The following ARID1B variants were observed in gnomAD, a reference collection of about 807,000 sequenced individuals.
The protein encoded by ARID1B is AT-rich interaction domain 1B.
Under a neutral mutation model 212.3 loss-of-function variants are expected in ARID1B, and 30 were observed. The observed-to-expected ratio is 0.14, with a 90% confidence interval of 0.11 to 0.19. The LOEUF is 0.19. ARID1B is among the 10% of genes least tolerant of loss of function. The probability of loss-of-function intolerance (pLI) is 1.00; values close to 1 mark genes in which losing one functional copy is unlikely to be tolerated. For missense variants in ARID1B, 2,891 were observed against 3,204.0 expected (o/e 0.90, Z 2.36); for synonymous variants, 1,402 against 1,301.7 (o/e 1.08, Z -1.66).
chr6:156,863,558 TATTTCTTTTTTCCTTTAAGA>T (rs1482935272), intron 2 of ARID1B, among the ~76,000 whole-genome samples: 5 of 152,218 alleles, frequency 3.3e-5, no homozygotes, highest in African/African-American at 1.2e-4. Context: ...GAGTAGTTTG[TATTTCTTTTTTCCTTTAAGA>T]ATCTTAAAAC....
intron 11 of ARID1B, among the ~76,000 whole-genome samples, chr6:157,178,892 A>T (rs1792305518): frequency 6.6e-6 from 1 of 152,172 alleles, no homozygotes; most frequent in Admixed American, 6.5e-5. Flanking sequence ...ACCACTCCCC[A>T]GTTTCAGTTT....
At chr6:156,883,467 A>G (rs1329695406) in intron 2 of ARID1B, among the ~76,000 whole-genome samples, 1 of 152,140 alleles carries the variant, frequency 6.6e-6, no homozygotes, top group Non-Finnish European at 1.5e-5. Flanking sequence ...AAGTTAAAAT[A>G]AGTCATAGCC....
chr6:156,883,880 C>T (rs1337122135), intron 2 of ARID1B, among the ~76,000 whole-genome samples: 1 of 152,180 alleles, frequency 6.6e-6, no homozygotes, highest in Non-Finnish European at 1.5e-5. Flanking sequence ...TTCTCTTTCT[C>T]TGGCAATGGC....
At chr6:156,779,587 G>GCCCC in intron 1 of ARID1B, 116 bp downstream of exon 1, 1 of 1,084,264 alleles carries the variant, frequency 9.2e-7, no homozygotes, top group Non-Finnish European at 1.1e-6. Flanking sequence ...CGGCGGGGGC[G>GCCCC]CGGCGCCCAA....
At chr6:157,010,868 A>G (rs1562547310) in intron 4 of ARID1B, among the ~76,000 whole-genome samples, 2 of 152,150 alleles carry the variant, frequency 1.3e-5, no homozygotes, top group African/African-American at 2.4e-5. Context: ...TCTGTAGGAA[A>G]TCTATAGATT....
intron 4 of ARID1B, among the ~76,000 whole-genome samples, chr6:157,050,927 G>A (rs1386226116): frequency 6.6e-6 from 1 of 152,200 alleles, no homozygotes; most frequent in African/African-American, 2.4e-5. Flanking sequence ...GCCTAGAGAA[G>A]TTGACCTCCC....
intron 6 of ARID1B, among the ~76,000 whole-genome samples, chr6:157,118,015 GGGCATTTAGATAGAAATA>G (rs1311714844): frequency 5.9e-5 from 9 of 152,092 alleles, no homozygotes. Flanking sequence ...TATGACCCAG[GGGCATTTAGATAGAAATA>G]TGTAAAATTT....
At position 157,174,059 on chromosome 6, in the gene ARID1B, T is replaced by C. The variant is rs1583451135; in HGVS notation, c.3287T>C (p.Leu1096Pro). 6.2e-7 allele frequency: 1 copy of C among 1,614,014 alleles called. No homozygotes were observed. The highest frequency in any genetic ancestry group is 1.7e-5 in the Admixed American group (1 of 59,996). ...MMSPGESKLP[L>P]PLKADGKEEG... The stretch of plus-strand genomic sequence containing the variant: ...TCTCCTGGTGAATCCAAACTGCCCC[T>C]GCCTCTCAAAGCAGACGGCAAAGAA... Residue 1096 changes from leucine (L) to proline (P), a missense_variant, in exon 10 of 20, where the codon CTG becomes CCG. By Grantham distance (98) the Leu-to-Pro change is moderately conservative. Transcript: ENST00000636930.
intron 4 of ARID1B, among the ~76,000 whole-genome samples, chr6:156,950,176 G>C (rs904420483): frequency 6.6e-6 from 1 of 152,198 alleles, no homozygotes; most frequent in African/African-American, 2.4e-5. Context: ...TATTACTAGT[G>C]AGTAGCAAGA....
intron 4 of ARID1B, among the ~76,000 whole-genome samples, chr6:156,996,879 G>A (rs1778621615): frequency 6.6e-6 from 1 of 152,096 alleles, no homozygotes; most frequent in South Asian, 2.1e-4. Context: ...TGCCTGAATT[G>A]TTCATGTTAG....
chr6:157,036,135 TAGTCAA>T (rs1297334819), intron 4 of ARID1B, among the ~76,000 whole-genome samples: 1 of 152,182 alleles, frequency 6.6e-6, no homozygotes, highest in East Asian at 1.9e-4. Context: ...TACTTTGCAA[TAGTCAA>T]AGTTAAAAGC....
At chr6:156,817,495 T>C (rs1782050256) in intron 1 of ARID1B, among the ~76,000 whole-genome samples, 1 of 151,786 alleles carries the variant, frequency 6.6e-6, no homozygotes, top group East Asian at 1.9e-4. Flanking sequence ...CCAGGTGTAG[T>C]AGCACACGCT....
intron 4 of ARID1B, chr6:156,939,532 A>G (rs1188209133): frequency 1.3e-5 from 2 of 152,198 alleles, no homozygotes; most frequent in Non-Finnish European, 2.9e-5. Flanking sequence ...AAAAATTTCT[A>G]TAAAAATTAT....
At chr6:156,832,766 G>C (rs1783231974) in intron 2 of ARID1B, among the ~76,000 whole-genome samples, 1 of 152,158 alleles carries the variant, frequency 6.6e-6, no homozygotes, top group East Asian at 1.9e-4. Flanking sequence ...TTGTCTCTGA[G>C]AGTCTGAAGG....
At chr6:156,946,340 C>G (rs1323196480) in intron 4 of ARID1B, among the ~76,000 whole-genome samples, 1 of 151,696 alleles carries the variant, frequency 6.6e-6, no homozygotes, top group Admixed American at 6.6e-5. Flanking sequence ...CCATTGCACT[C>G]CAGTCTGGGC....
Position 157,084,787 on chromosome 6 carries a change from C to G in ARID1B, c.2373C>G (p.Ser791=), listed in dbSNP as rs1268799498. The G allele has an allele frequency of 6.2e-7, 1 of 1,614,136 alleles. No individual in the cohort carries two copies. Among genetic ancestry groups the G allele is most frequent in the Non-Finnish European group, 8.5e-7 (1 of 1,179,988 alleles). Residue 791 remains serine (S), a synonymous_variant, in exon 5 of 20, where the codon TCC becomes TCG. Coordinates refer to ENST00000636930, the MANE Select transcript of ARID1B (RefSeq NM_001374828.1). ...DQSNPAQSPF[S]PHASPHLSSI... ...GCAACCCGGCGCAGTCGCCTTTCTCCCCACATGCGTCCCCTCATCTCTCCA... is the reference window on the plus strand; with the variant it reads ...GCAACCCGGCGCAGTCGCCTTTCTCGCCACATGCGTCCCCTCATCTCTCCA...
chr6:157,116,653 C>T (rs1229931759), intron 6 of ARID1B, among the ~76,000 whole-genome samples: 2 of 151,646 alleles, frequency 1.3e-5, no homozygotes, highest in Non-Finnish European at 2.9e-5. Context: ...CTGTGAGCCA[C>T]GAGGAAATGT....
At chr6:156,956,290 C>T (rs962583782) in intron 4 of ARID1B, among the ~76,000 whole-genome samples, 5 of 152,112 alleles carry the variant, frequency 3.3e-5, no homozygotes, top group African/African-American at 4.8e-5. Flanking sequence ...ATAAACTCTC[C>T]CTGCTTCTTA....
At chr6:157,034,125 CAATG>C (rs1394428243) in intron 4 of ARID1B, among the ~76,000 whole-genome samples, 3 of 152,212 alleles carry the variant, frequency 2.0e-5, no homozygotes, top group South Asian at 2.1e-4. Flanking sequence ...AAAAATAACA[CAATG>C]AATAATCTTA....
Sources: gnomAD v4.1 joint callset for allele counts (sites outside exome capture counted in the v4.1 genomes callset) on GRCh38, gnomAD v4.1.1 for gene constraint, MANE v1.5 for transcripts, NCBI Gene and HGNC (gene_info 2026-07-23, HGNC 2026-07-21) for gene names.